AGAP5: variants seen among roughly 807,000 people sequenced by gnomAD.
AGAP5 encodes arf-GAP with GTPase, ANK repeat and PH domain-containing protein 5.
A neutral mutation model predicts 27.7 loss-of-function variants in AGAP5; 8 were observed. The ratio of observed to expected loss-of-function variants is 0.29; its 90% CI spans 0.17 to 0.52. The LOEUF is 0.52. AGAP5 is among the 20% of genes least tolerant of loss of function. The pLI, the probability that AGAP5 is intolerant of heterozygous loss-of-function variation, is 0.97. For missense variants in AGAP5, 285 were observed against 880.8 expected, an observed-to-expected ratio of 0.32 and a Z score of 8.56; for synonymous variants, 111 against 338.0, an observed-to-expected ratio of 0.33 and a Z score of 7.37.
rs202213745 is a variant in AGAP5 at position 73,697,609 on chromosome 10, C to T, written c.147G>A (p.Val49=). 3.2e-4 allele frequency: 523 copies of T among 1,610,538 alleles called. 1 individual carries two copies. Among genetic ancestry groups the T allele is most frequent in the African/African-American group, 2.7e-3 (206 of 75,018 alleles). The change falls in exon 1 of 8, where the codon GTG becomes GTA. Residue 49 remains valine (V), a synonymous_variant. Coordinates refer to ENST00000374094, the MANE Select transcript of AGAP5 (RefSeq NM_001144000.4). ...RMAGAPMAAA[V]QPAEVTVEVG... ...CTTCAACGGTCACCTCAGCAGGCTG[C>T]ACAGCAGCAGCCATGGGCGCTCCTG...
At chr10:73,690,082 C>G (rs552955486) in intron 4 of AGAP5, among the ~76,000 whole-genome samples, 1 of 152,224 alleles carries the variant, frequency 6.6e-6, no homozygotes, top group African/African-American at 2.4e-5. Flanking sequence ...CCCCTCTTCC[C>G]GGCCACCACC....
chr10:73,675,274 G>A lies in AGAP5; in HGVS notation c.1386C>T (p.Ser462=), dbSNP rs3998266. ...GGATCGACTGCAGGGCCATGGCCTC[G>A]CTCTGGCTGGTCAGCTGGGACTTGC... The part of the protein sequence containing the change: ...SKSKSQLTSQ[S]EAMALQSIQN... Residue 462 remains serine, a synonymous_variant, in exon 8 of 8, where the codon AGC becomes AGT. Transcript: ENST00000374094. The A allele has an allele frequency of 7.5e-5, 121 of 1,611,268 alleles. No homozygotes were observed. In the South Asian group the frequency reaches 8.6e-4, roughly 11 times the overall value.
At chr10:73,689,097 C>T (rs888882974) in intron 4 of AGAP5, among the ~76,000 whole-genome samples, 2 of 152,232 alleles carry the variant, frequency 1.3e-5, no homozygotes, top group African/African-American at 4.8e-5. Flanking sequence ...CCTGATTCTC[C>T]TGCTTCAGCC....
chr10:73,679,441 C>T (rs2082007256), intron 6 of AGAP5, among the ~76,000 whole-genome samples: 3 of 152,128 alleles, frequency 2.0e-5, no homozygotes, highest in South Asian at 2.1e-4. Flanking sequence ...GGATTACAGG[C>T]GTGAGCCACT....
chr10:73,677,874 T>C (rs1253967289), intron 6 of AGAP5, among the ~76,000 whole-genome samples: 1 of 152,226 alleles, frequency 6.6e-6, no homozygotes, highest in Non-Finnish European at 1.5e-5. Flanking sequence ...ACATTAGTAG[T>C]CCCTTTCACT....
At position 73,675,409 on chromosome 10, in the gene AGAP5, A is replaced by G. The variant is rs1365315939; in HGVS notation, c.1251T>C (p.Thr417=). The G allele has an allele frequency of 3.1e-6, 5 of 1,614,088 alleles. No homozygotes were observed. In the African/African-American group the frequency reaches 4.0e-5, roughly 13 times the overall value. The change falls in exon 8 of 8, where the codon ACT becomes ACC. Residue 417 remains threonine, a synonymous_variant. Transcript: ENST00000374094. ...TGGCTTCAAAGTGCCATGTTTGGCC[A>G]GTGGCAGACACAATCATAAAGTTGT... ...STNNFMIVSA[T]GQTWHFEATT...
rs766326317 is a variant in AGAP5 at position 73,674,785 on chromosome 10, G to A, written c.1875C>T (p.Cys625=). 4.3e-6 allele frequency: 7 copies of A among 1,611,766 alleles called. No homozygotes were observed. The highest frequency in any genetic ancestry group is 4.5e-5 in the East Asian group (2 of 44,878). The part of the protein sequence containing the change: ...VNETCGEGDG[C]TALHLACRKG... ...TGCGGCAGGCCAGATGGAGCGCCGTGCAGCCGTCTCCCTCCCCACAGGTCT... is the reference window on the plus strand; with the variant it reads ...TGCGGCAGGCCAGATGGAGCGCCGTACAGCCGTCTCCCTCCCCACAGGTCT... The change falls in exon 8 of 8, where the codon TGC becomes TGT. Residue 625 remains cysteine, a synonymous_variant. Transcript: ENST00000374094.
intron 4 of AGAP5, among the ~76,000 whole-genome samples, chr10:73,683,448 TAA>T: frequency 7.9e-6 from 1 of 126,146 alleles, no homozygotes; most frequent in Non-Finnish European, 1.8e-5. Context: ...ATTAATTAAT[TAA>T]TTAATTTATT....
At chr10:73,690,605 TTAAAAAA>T (rs2082109741) in intron 4 of AGAP5, among the ~76,000 whole-genome samples, 1 of 80,574 alleles carries the variant, frequency 1.2e-5, no homozygotes, top group African/African-American at 4.3e-5. Context: ...GAATGATCAA[TTAAAAAA>T]AAAAAAAAAA....
chr10:73,678,690 A>G (rs1247020985), intron 6 of AGAP5, among the ~76,000 whole-genome samples: 3 of 148,704 alleles, frequency 2.0e-5, no homozygotes, highest in Non-Finnish European at 3.0e-5. Flanking sequence ...GTACTGATGG[A>G]ATAAATTTAT....
Position 73,691,015 on chromosome 10 carries a change from G to A in AGAP5, c.396+1028C>T, listed in dbSNP as rs190370714. On this transcript the variant is annotated intron_variant, in intron 4 of 7. Transcript: ENST00000374094. ...CATGTGATAAATGCTACAATACTTG[G>A]GGGAAAAACAGCTGTTAGAAAACAG... is the stretch of plus-strand genomic sequence containing the variant. 4.6e-5 allele frequency among the ~76,000 whole-genome samples: 7 copies of A among 152,274 alleles called. No homozygotes were observed. In the East Asian group the frequency reaches 1.4e-3, roughly 29 times the overall value.
At chr10:73,689,411 C>T (rs937951242) in intron 4 of AGAP5, among the ~76,000 whole-genome samples, 20 of 150,748 alleles carry the variant, frequency 1.3e-4, no homozygotes, top group Admixed American at 4.7e-4. Context: ...GCCGCCACCC[C>T]GTCTGGGAAG....
At chr10:73,681,428 C>A (rs1051001159) in intron 5 of AGAP5, 38 of 985,308 alleles carry the variant, frequency 3.9e-5, no homozygotes, top group Non-Finnish European at 4.3e-5. Context: ...GTGATCTCAG[C>A]GAGTGCCACC....
At chr10:73,677,656 A>T (rs1206986718) in intron 6 of AGAP5, among the ~76,000 whole-genome samples, 1 of 152,132 alleles carries the variant, frequency 6.6e-6, no homozygotes, top group Non-Finnish European at 1.5e-5. Flanking sequence ...AAGTGCTGGG[A>T]TTACAGGCCT....
In AGAP5 at chr10:73,674,366, T is replaced by C. The variant is rs1347740613; in HGVS notation, c.*233A>G. 1.6e-6 allele frequency: 1 copy of C among 619,094 alleles called. No homozygotes were observed. The highest frequency in any genetic ancestry group is 1.9e-5 in the African/African-American group (1 of 53,902). The allele number at this position is 619,094 out of a possible 1,614,324, so 38.4% of individuals were successfully genotyped here. A position where few individuals can be genotyped will look rare whatever the true frequency, so the allele number is the denominator to read the frequency against. On this transcript the variant is annotated 3_prime_UTR_variant, in exon 8 of 8. Coordinates refer to ENST00000374094, the MANE Select transcript of AGAP5 (RefSeq NM_001144000.4). ...TACATAATACAGAAGCCTGTGTGAC[T>C]TGGGCAATGTGGCCAGGAGGGCCTG...
At chr10:73,694,714 G>A (rs571745810) in intron 3 of AGAP5, 22 bp downstream of exon 3, 27 of 1,596,546 alleles carry the variant, frequency 1.7e-5, no homozygotes, top group Admixed American at 1.0e-4. Context: ...TTCTCTTGGC[G>A]GAAAAAACAA....
At chr10:73,692,460 C>CT (rs1434238663) in intron 3 of AGAP5, among the ~76,000 whole-genome samples, 1 of 152,074 alleles carries the variant, frequency 6.6e-6, no homozygotes, top group Non-Finnish European at 1.5e-5. Flanking sequence ...TTATCAGACT[C>CT]TAAGAGCTAA....
chr10:73,688,985 G>GCCGCCTCCGCCT lies in AGAP5; in HGVS notation c.396+3046_396+3057dup, dbSNP rs376480052. Among the ~76,000 whole-genome samples the GCCGCCTCCGCCT allele has an allele frequency of 6.6e-5, 10 of 152,092 alleles. No homozygotes were observed. In the East Asian group the frequency reaches 1.6e-3, roughly 24 times the overall value. ...CTCTGCCTCTGCTGCCTCTGCCTCT[G>GCCGCCTCCGCCT]CCGCCTCCGCCTCCGCCTCCGCCTC... On this transcript the variant is annotated intron_variant, in intron 4 of 7. Transcript: ENST00000374094.
In AGAP5 at chr10:73,675,239, C is replaced by A. The variant is rs748964554; in HGVS notation, c.1421G>T (p.Arg474Leu). The A allele has an allele frequency of 1.0e-5, 16 of 1,604,830 alleles. 4 individuals carry two copies. Among genetic ancestry groups the A allele is most frequent in the Non-Finnish European group, 1.4e-5 (16 of 1,176,590 alleles). ...ATAGTCCACACAGTGGGCGTTCCCA[C>A]GCATGTTTTGGATCGACTGCAGGGC... is the stretch of plus-strand genomic sequence containing the variant. ...AMALQSIQNM[R>L]GNAHCVDYET... Residue 474 changes from arginine to leucine, a missense_variant, in exon 8 of 8, where the codon CGT becomes CTT. Transcript: ENST00000374094.
Sources: gnomAD v4.1 joint callset for allele counts (sites outside exome capture counted in the v4.1 genomes callset) on GRCh38, gnomAD v4.1.1 for gene constraint, MANE v1.5 for transcripts, NCBI Gene and HGNC (gene_info 2026-07-23, HGNC 2026-07-21) for gene names.